The following TBC1D5 variants were observed in gnomAD, a reference collection of about 807,000 sequenced individuals.
The protein encoded by TBC1D5 is TBC1 domain family, member 5.
TBC1D5 carries 75 observed loss-of-function variants against 100.3 expected under a neutral mutation model. That is an observed-to-expected ratio of 0.75 (90% confidence interval 0.62 to 0.91). The LOEUF (loss-of-function observed/expected upper bound fraction) is 0.91, where lower values mean the gene tolerates loss of function less well. Among genes scored for constraint, TBC1D5 ranks in the 40% least tolerant of loss-of-function variants. The probability of loss-of-function intolerance (pLI) is 0.00; values close to 1 mark genes in which losing one functional copy is unlikely to be tolerated. For synonymous variants in TBC1D5, 323 were observed against 325.6 expected (o/e 0.99, Z 0.09); for missense variants, 910 against 942.4 (o/e 0.97, Z 0.45).
intron 3 of TBC1D5, among the ~76,000 whole-genome samples, chr3:17,484,634 CA>C (rs2095539322): frequency 6.6e-6 from 1 of 151,908 alleles, no homozygotes; most frequent in Non-Finnish European, 1.5e-5. Context: ...AGGTGTATGC[CA>C]TTATGCTTGG....
chr3:17,603,892 G>A (rs1261049798), intron 2 of TBC1D5, among the ~76,000 whole-genome samples: 9 of 151,978 alleles, frequency 5.9e-5, no homozygotes, highest in African/African-American at 1.2e-4. Flanking sequence ...CAATCCACCC[G>A]CCTCACCCTC....
At chr3:17,424,778 A>T (rs939023302) in intron 4 of TBC1D5, among the ~76,000 whole-genome samples, 2 of 152,082 alleles carry the variant, frequency 1.3e-5, no homozygotes, top group Non-Finnish European at 2.9e-5. Context: ...TAAACATCCC[A>T]GGTTATTAAG....
intron 1 of TBC1D5, among the ~76,000 whole-genome samples, chr3:17,653,868 C>T (rs1013895119): frequency 1.3e-5 from 2 of 151,980 alleles, no homozygotes; most frequent in Non-Finnish European, 2.9e-5. Flanking sequence ...GGCCTAGCAA[C>T]CAACCTTAAC....
chr3:17,506,822 T>TA (rs1351107829), intron 3 of TBC1D5, among the ~76,000 whole-genome samples: 1 of 150,462 alleles, frequency 6.6e-6, no homozygotes. Flanking sequence ...AATACGTGCT[T>TA]AAAAAACAAA....
chr3:17,401,293 ATG>A (rs1252215064), intron 8 of TBC1D5, among the ~76,000 whole-genome samples: 2 of 146,840 alleles, frequency 1.4e-5, no homozygotes, highest in African/African-American at 5.1e-5. Flanking sequence ...ATATATATGT[ATG>A]TGTATAATAC....
At chr3:17,447,571 C>A (rs1423225758) in intron 3 of TBC1D5, among the ~76,000 whole-genome samples, 2 of 152,172 alleles carry the variant, frequency 1.3e-5, no homozygotes, top group African/African-American at 4.8e-5. Context: ...CTAATAATTT[C>A]TATTTTCTTT....
At chr3:17,380,089 G>GTGTGTGTGTGTA (rs2092886040) in intron 9 of TBC1D5, among the ~76,000 whole-genome samples, 1 of 148,332 alleles carries the variant, frequency 6.7e-6, no homozygotes, top group Non-Finnish European at 1.5e-5. Flanking sequence ...GTGTGTGTGT[G>GTGTGTGTGTGTA]TATACACATC....
intron 8 of TBC1D5, among the ~76,000 whole-genome samples, chr3:17,389,621 C>T (rs2093289163): frequency 6.6e-6 from 1 of 152,108 alleles, no homozygotes. Context: ...ATGAGCAAAC[C>T]TTCAGATGAT....
intron 14 of TBC1D5, among the ~76,000 whole-genome samples, chr3:17,293,016 C>A: frequency 6.6e-6 from 1 of 152,124 alleles, no homozygotes; most frequent in East Asian, 1.9e-4. Context: ...TACTTCTCCC[C>A]CTCCTATAAG....
intron 2 of TBC1D5, among the ~76,000 whole-genome samples, chr3:17,538,175 G>A (rs952546458): frequency 4.6e-5 from 7 of 152,020 alleles, no homozygotes; most frequent in Non-Finnish European, 1.0e-4. Flanking sequence ...ACTGTCAGGC[G>A]ACCATGAGGT....
rs189717208 is a variant in TBC1D5 at position 17,738,709 on chromosome 3, T to A, written c.-101+634A>T. The stretch of plus-strand genomic sequence containing the variant: ...TGTCCATGCAGCCCACAACACAGCA[T>A]CAGGGTAAGAAATAAAAAAGCCAAC... On this transcript the variant is annotated intron_variant, in intron 1 of 21. Transcript: ENST00000253692. Among the ~76,000 whole-genome samples the A allele has an allele frequency of 5.9e-3, 891 of 152,142 alleles. 3 individuals are homozygous for A. The highest frequency in any genetic ancestry group is 9.9e-3 in the Non-Finnish European group (672 of 68,002).
At chr3:17,603,772 C>G (rs1560259823) in intron 2 of TBC1D5, among the ~76,000 whole-genome samples, 1 of 151,962 alleles carries the variant, frequency 6.6e-6, no homozygotes, top group Non-Finnish European at 1.5e-5. Flanking sequence ...CTCAACCTCC[C>G]GAGTAGCTGG....
chr3:17,387,367 T>G (rs752821315), intron 8 of TBC1D5, among the ~76,000 whole-genome samples: 1 of 145,708 alleles, frequency 6.9e-6, no homozygotes, highest in Non-Finnish European at 1.5e-5. Flanking sequence ...CAGTTATAAA[T>G]TAATCTGAGA....
intron 1 of TBC1D5, among the ~76,000 whole-genome samples, chr3:17,734,731 G>T (rs575456354): frequency 6.6e-6 from 1 of 152,184 alleles, no homozygotes; most frequent in African/African-American, 2.4e-5. Context: ...TGGCTTTGTT[G>T]TAAAGGGTAA....
intron 1 of TBC1D5, among the ~76,000 whole-genome samples, chr3:17,655,742 G>A (rs1257665752): frequency 2.0e-5 from 3 of 151,972 alleles, no homozygotes; most frequent in East Asian, 1.9e-4. Context: ...AAAAAAATCC[G>A]AATTCCAAAA....
chr3:17,207,515 A>G (rs2125901854), intron 18 of TBC1D5, among the ~76,000 whole-genome samples: 2 of 152,312 alleles, frequency 1.3e-5, no homozygotes, highest in Middle Eastern at 6.8e-3. Context: ...TCTTTTATAA[A>G]AATCTGGCAC....
intron 13 of TBC1D5, among the ~76,000 whole-genome samples, chr3:17,368,746 T>C (rs73147810): frequency 0.09 from 13,668 of 151,868 alleles, 1,417 homozygotes; most frequent in African/African-American, 0.25. Context: ...CATTTTACTT[T>C]ACAAAAAAAT....
At chr3:17,169,671 T>C (rs2066976217) in intron 19 of TBC1D5, among the ~76,000 whole-genome samples, 1 of 152,178 alleles carries the variant, frequency 6.6e-6, no homozygotes, top group South Asian at 2.1e-4. Flanking sequence ...CTGTAACAAT[T>C]TCTTCTCTCT....
At chr3:17,400,147 C>T (rs2093609647) in intron 8 of TBC1D5, among the ~76,000 whole-genome samples, 1 of 152,118 alleles carries the variant, frequency 6.6e-6, no homozygotes, top group African/African-American at 2.4e-5. Flanking sequence ...CTGTGTTATT[C>T]ACCACTCCAC....
Sources: allele counts gnomAD v4.1 joint callset (sites outside exome capture counted in the v4.1 genomes callset), GRCh38; gene constraint gnomAD v4.1.1; transcripts MANE v1.5; gene names NCBI Gene and HGNC (gene_info 2026-07-23, HGNC 2026-07-21).